NAV2: variants seen among roughly 807,000 people sequenced by gnomAD.
The protein encoded by NAV2 is neuron navigator 2.
A neutral mutation model predicts 223.2 loss-of-function variants in NAV2; 54 were observed. The observed-to-expected ratio is 0.24, with a 90% CI of 0.19 to 0.30. NAV2 has a LOEUF of 0.30. NAV2 is among the 10% of genes least tolerant of loss of function. The pLI is 1.00. For synonymous variants in NAV2, 1,279 were observed against 1,239.3 expected, an observed-to-expected ratio of 1.03 and a Z score of -0.67; for missense variants, 2,806 against 3,147.5, an observed-to-expected ratio of 0.89 and a Z score of 2.60.
At chr11:19,867,124 T>A (rs1292197151) in intron 3 of NAV2, among the ~76,000 whole-genome samples, 1 of 152,202 alleles carries the variant, frequency 6.6e-6, no homozygotes, top group Non-Finnish European at 1.5e-5. Context: ...AAAGCAGGGT[T>A]TCATGGTATG....
chr11:19,790,034 C>T (rs1378233994), intron 1 of NAV2, among the ~76,000 whole-genome samples: 1 of 152,178 alleles, frequency 6.6e-6, no homozygotes, highest in East Asian at 1.9e-4. Flanking sequence ...TTATTTCCCT[C>T]TCTTTGCCAA....
chr11:19,425,985 T>C (rs1008308684), intron 1 of NAV2, among the ~76,000 whole-genome samples: 3 of 152,170 alleles, frequency 2.0e-5, no homozygotes, highest in Non-Finnish European at 4.4e-5. Context: ...AAGTAGATGG[T>C]ATTTGAGTTA....
intron 1 of NAV2, among the ~76,000 whole-genome samples, chr11:19,364,587 C>G (rs960277809): frequency 2.0e-5 from 3 of 152,172 alleles, no homozygotes; most frequent in Non-Finnish European, 4.4e-5. Flanking sequence ...ATATTTGTGT[C>G]CCCTGAAATG....
intron 1 of NAV2, among the ~76,000 whole-genome samples, chr11:19,380,244 T>G (rs1848791515): frequency 6.6e-6 from 1 of 152,228 alleles, no homozygotes; most frequent in South Asian, 2.1e-4. Flanking sequence ...ACAGTGATGT[T>G]GATACCCATC....
chr11:19,641,121 G>T (rs1016052930), intron 1 of NAV2, among the ~76,000 whole-genome samples: 6 of 152,170 alleles, frequency 3.9e-5, no homozygotes, highest in Non-Finnish European at 2.9e-5. Context: ...CCCTGTGGTA[G>T]CTGGCTCACC....
intron 10 of NAV2, among the ~76,000 whole-genome samples, chr11:19,967,146 TGCTACTAAAGG>T (rs2048834922): frequency 6.6e-6 from 1 of 152,172 alleles, no homozygotes; most frequent in Non-Finnish European, 1.5e-5. Flanking sequence ...AAGGTCATAC[TGCTACTAAAGG>T]GTGCGGCCAG....
At chr11:19,746,494 C>T (rs568221090) in intron 1 of NAV2, among the ~76,000 whole-genome samples, 2 of 152,250 alleles carry the variant, frequency 1.3e-5, no homozygotes, top group Admixed American at 1.3e-4. Flanking sequence ...CTCTCAACTA[C>T]ACTTTTTATT....
At chr11:19,952,462 A>T (rs1180195502) in intron 10 of NAV2, among the ~76,000 whole-genome samples, 1 of 152,198 alleles carries the variant, frequency 6.6e-6, no homozygotes, top group Non-Finnish European at 1.5e-5. Context: ...TCCCTCAAAC[A>T]TCCAGGCGCT....
chr11:19,607,999 T>C lies in NAV2; in HGVS notation c.76-224485T>C, dbSNP rs532737147. 8.5e-5 allele frequency among the ~76,000 whole-genome samples: 13 copies of C among 152,364 alleles called. No homozygotes were observed. In the East Asian group the frequency reaches 2.3e-3, roughly 27 times the overall value. The stretch of plus-strand genomic sequence containing the variant: ...GACTGTGCTGTGCACATCAATGCAT[T>C]ATCTCAGTGCAAAACCAGAACCTCC... On this transcript the variant is annotated intron_variant, in intron 1 of 37. Coordinates refer to the NAV2 transcript ENST00000360655.
At chr11:19,376,291 AC>A (rs1564887955) in intron 1 of NAV2, among the ~76,000 whole-genome samples, 7 of 152,250 alleles carry the variant, frequency 4.6e-5, no homozygotes, top group Non-Finnish European at 2.9e-5. Context: ...AAACAAAAAA[AC>A]AATTGCTGGT....
intron 1 of NAV2, among the ~76,000 whole-genome samples, chr11:19,555,495 T>A (rs2044853949): frequency 6.6e-6 from 1 of 152,166 alleles, no homozygotes; most frequent in African/African-American, 2.4e-5. Context: ...AATCACTGTG[T>A]ACTCATAAGA....
chr11:19,659,570 T>C (rs1213104175), intron 1 of NAV2, among the ~76,000 whole-genome samples: 1 of 152,110 alleles, frequency 6.6e-6, no homozygotes, highest in African/African-American at 2.4e-5. Context: ...CAAGAGATGA[T>C]GGTGGCCTGA....
chr11:19,662,746 C>T (rs994701720), intron 1 of NAV2, among the ~76,000 whole-genome samples: 5 of 152,228 alleles, frequency 3.3e-5, no homozygotes, highest in Non-Finnish European at 5.9e-5. Context: ...TATAGTAGCA[C>T]CTGCCTGTCT....
intron 6 of NAV2, among the ~76,000 whole-genome samples, chr11:19,931,356 A>T (rs2045316967): frequency 1.3e-5 from 2 of 152,146 alleles, no homozygotes; most frequent in Admixed American, 1.3e-4. Context: ...AGTCAGGAAG[A>T]TATATGTGTT....
chr11:20,061,620 A>G (rs2153624686), intron 19 of NAV2, among the ~76,000 whole-genome samples: 1 of 152,256 alleles, frequency 6.6e-6, no homozygotes, highest in African/African-American at 2.4e-5. Flanking sequence ...GAAGGGTGCT[A>G]AGGACATATA....
At chr11:19,816,536 C>T (rs1473248954) in intron 1 of NAV2, among the ~76,000 whole-genome samples, 4 of 152,206 alleles carry the variant, frequency 2.6e-5, no homozygotes, top group Non-Finnish European at 5.9e-5. Flanking sequence ...TCATTCAATT[C>T]TTCATCTAAG....
Position 20,054,230 on chromosome 11 carries a change from T to C in NAV2, c.4632T>C (p.Phe1544=), listed in dbSNP as rs764402512. ...VTSPSGTRFN[F]SQLASPTTVT... is the part of the protein sequence containing the mutation. ...CTCCCTCCGGAACAAGATTCAACTT[T>C]TCCCAGCTTGGTGAGTAGCCACTTG... Residue 1544 remains phenylalanine, a synonymous_variant, in exon 18 of 38, where the codon TTT becomes TTC. Transcript: ENST00000349880. The C allele has an allele frequency of 6.2e-7, 1 of 1,610,124 alleles. No individual in the cohort carries two copies. The highest frequency in any genetic ancestry group is 1.3e-5 in the African/African-American group (1 of 74,810).
At chr11:19,805,086 G>T (rs7927758) in intron 1 of NAV2, among the ~76,000 whole-genome samples, 3,618 of 152,230 alleles carry the variant, frequency 0.024, 132 homozygotes, top group African/African-American at 0.083. Flanking sequence ...GAATGGTTTC[G>T]TGGCAGGGGT....
At chr11:19,776,592 G>GTA (rs1282683252) in intron 1 of NAV2, among the ~76,000 whole-genome samples, 3 of 143,412 alleles carry the variant, frequency 2.1e-5, no homozygotes, top group Non-Finnish European at 4.6e-5. Context: ...GTGTGTGTGT[G>GTA]TGTGTGTGTG....
Sources: gnomAD v4.1 joint callset for allele counts (sites outside exome capture counted in the v4.1 genomes callset) on GRCh38, gnomAD v4.1.1 for gene constraint, MANE v1.5 for transcripts, NCBI Gene and HGNC (gene_info 2026-07-23, HGNC 2026-07-21) for gene names.